Variants in ITGA6 observed in about 807,000 individuals in gnomAD.
ITGA6 encodes integrin subunit alpha 6, also known as integrin alpha-6.
Under a neutral mutation model 133.6 loss-of-function variants are expected in ITGA6, and 63 were observed. The observed-to-expected ratio is 0.47, with a 90% CI of 0.38 to 0.58. The LOEUF is 0.58. Among genes scored for constraint, ITGA6 ranks in the 20% least tolerant of loss-of-function variants. The pLI, the probability that ITGA6 is intolerant of heterozygous loss-of-function variation, is 0.00. For synonymous variants in ITGA6, 434 were observed against 482.0 expected (o/e 0.90, Z 1.30); for missense variants, 1,068 against 1,309.4 (o/e 0.82, Z 2.85).
intron 1 of ITGA6, among the ~76,000 whole-genome samples, chr2:172,460,550 AATC>A (rs2149029730): frequency 6.6e-6 from 1 of 152,338 alleles, no homozygotes; most frequent in African/African-American, 2.4e-5. Context: ...CATATATAAT[AATC>A]CAGAATTATG....
intron 1 of ITGA6, chr2:172,464,112 G>A (rs1574358137): frequency 6.6e-6 from 1 of 152,410 alleles, no homozygotes; most frequent in East Asian, 1.9e-4. Flanking sequence ...GATCTGGGAG[G>A]AAGGACAGTG....
rs1001035755 is a variant in ITGA6 at position 172,463,667 on chromosome 2, C to T, written c.183-1872C>T. ...ATTAAGCTCCTCAAGGCCTCTGTTT[C>T]TTTATCTGTAAAACTGGAGGACTGG... On this transcript the variant is annotated intron_variant, in intron 1 of 25. Coordinates refer to ENST00000684293, the MANE Select transcript of ITGA6 (RefSeq NM_000210.4). Among the ~76,000 whole-genome samples the T allele has an allele frequency of 2.6e-5, 4 of 152,224 alleles. No individual in the cohort carries two copies. In the South Asian group the frequency reaches 8.3e-4, roughly 32 times the overall value.
rs779777573 is a variant in ITGA6 at position 172,470,996 on chromosome 2, G to T, written c.666G>T (p.Lys222Asn). 8 of 1,613,696 alleles carry T rather than the reference G, an allele frequency of 5.0e-6. No homozygotes were observed. The highest frequency in any genetic ancestry group is 6.8e-6 in the Non-Finnish European group (8 of 1,179,848). The change falls in exon 5 of 26, where the codon AAG (lysine) becomes AAT (asparagine). Residue 222 changes from lysine (K) to asparagine (N), a missense_variant. This residue lies in a region of ITGA6 where 317 missense variants were observed against 456.9 expected (regional missense o/e 0.69). Coordinates refer to ENST00000684293, the MANE Select transcript of ITGA6 (RefSeq NM_000210.4). ...TAGGGATTGTTCGTGTAGAGCAAAA[G>T]AATAACACTTTTTTTGACATGAACA... is the stretch of plus-strand genomic sequence containing the variant. ...NWKGIVRVEQ[K>N]NNTFFDMNIF... is the part of the protein sequence containing the mutation.
At position 172,475,046 on chromosome 2, in the gene ITGA6, T is replaced by C. The variant is rs1359496632; in HGVS notation, c.1104T>C (p.Arg368=). The part of the protein sequence containing the change: ...QGRWNNVKPI[R]LNGTKDSMFG... The stretch of plus-strand genomic sequence containing the variant: ...GATGGAATAATGTGAAGCCAATTCG[T>C]CTTAATGGAACCAAAGATTCTATGT... Residue 368 remains arginine, a synonymous_variant, in exon 7 of 26, where the codon CGT becomes CGC. Coordinates refer to ENST00000684293, the MANE Select transcript of ITGA6 (RefSeq NM_000210.4). The C allele has an allele frequency of 6.2e-7, 1 of 1,608,716 alleles. No homozygotes were observed. Among genetic ancestry groups the C allele is most frequent in the Non-Finnish European group, 8.5e-7 (1 of 1,175,144 alleles).
intron 25 of ITGA6, 114 bp downstream of exon 25, chr2:172,502,015 T>C (rs1574422482): frequency 1.1e-6 from 1 of 928,094 alleles, no homozygotes; most frequent in Non-Finnish European, 1.6e-6. Flanking sequence ...TTTCCAAATG[T>C]CCACACTGGC....
chr2:172,479,202 G>C (rs919107726), intron 9 of ITGA6, among the ~76,000 whole-genome samples: 1 of 152,102 alleles, frequency 6.6e-6, no homozygotes, highest in African/African-American at 2.4e-5. Context: ...GTATATACAG[G>C]ACAAGACCTC....
chr2:172,495,546 A>C (rs1241601138), intron 23 of ITGA6: 1 of 152,122 alleles, frequency 6.6e-6, no homozygotes, highest in East Asian at 1.9e-4. Context: ...AACAAAAAAA[A>C]CAAAAACACC....
At chr2:172,486,908 G>T in intron 13 of ITGA6, 115 bp from the exon 14 acceptor site, 1 of 712,792 alleles carries the variant, frequency 1.4e-6, no homozygotes, top group East Asian at 2.7e-5. Context: ...CTTGAATTCT[G>T]CATTGGTAAT....
At chr2:172,482,324 C>G (rs1686481300) in intron 11 of ITGA6, among the ~76,000 whole-genome samples, 1 of 152,192 alleles carries the variant, frequency 6.6e-6, no homozygotes. Flanking sequence ...GACAGAACTT[C>G]TACAAAGCTA....
At chr2:172,447,788 G>T (rs924571218) in intron 1 of ITGA6, among the ~76,000 whole-genome samples, 1 of 152,122 alleles carries the variant, frequency 6.6e-6, no homozygotes, top group African/African-American at 2.4e-5. Flanking sequence ...TGATCTGACC[G>T]CTCTTATTAG....
chr2:172,476,172 T>C (rs1219690769), intron 8 of ITGA6, among the ~76,000 whole-genome samples: 4 of 152,220 alleles, frequency 2.6e-5, no homozygotes, highest in African/African-American at 4.8e-5. Flanking sequence ...AGAAATGGGC[T>C]CTTTTCTGCT....
At chr2:172,465,758 G>T in intron 2 of ITGA6, 95 bp downstream of exon 2, 1 of 1,513,816 alleles carries the variant, frequency 6.6e-7, no homozygotes, top group South Asian at 1.1e-5. Context: ...TATTCTTGTA[G>T]AGAGGACTTC....
At chr2:172,438,971 G>A (rs1224908229) in intron 1 of ITGA6, among the ~76,000 whole-genome samples, 2 of 151,934 alleles carry the variant, frequency 1.3e-5, no homozygotes, top group East Asian at 1.9e-4. Flanking sequence ...GCAGACCTTT[G>A]TGCTATATTT....
At chr2:172,472,491 A>G (rs976113273) in intron 5 of ITGA6, among the ~76,000 whole-genome samples, 5 of 152,208 alleles carry the variant, frequency 3.3e-5, no homozygotes, top group African/African-American at 9.7e-5. Context: ...CACATTTGCC[A>G]CTTTTAGAAT....
Position 172,483,007 on chromosome 2 carries a change from T to C in ITGA6, c.1550-1775T>C, listed in dbSNP as rs540259046. The stretch of plus-strand genomic sequence containing the variant: ...AATAAGACTGATGTGATCCTTGTCC[T>C]CGGCTTTGCCCCACTGTGGGAGACA... On this transcript the variant is annotated intron_variant, in intron 11 of 25. Transcript: ENST00000684293. 2.0e-5 allele frequency among the ~76,000 whole-genome samples: 3 copies of C among 152,320 alleles called. No individual in the cohort carries two copies. The South Asian group carries it at 6.2e-4, about 32-fold the overall frequency.
At chr2:172,435,761 G>T (rs901517935) in intron 1 of ITGA6, among the ~76,000 whole-genome samples, 1 of 151,486 alleles carries the variant, frequency 6.6e-6, no homozygotes, top group African/African-American at 2.4e-5. Context: ...CCCAGTAGCT[G>T]GGACTGCAAG....
rs1284384207 is a variant in ITGA6, at chr2:172,498,237, A to C, written c.3114+137A>C. The C allele has an allele frequency of 1.7e-5, 14 of 831,514 alleles. No individual in the cohort carries two copies. In the Admixed American group the frequency reaches 1.8e-4, roughly 11 times the overall value. 51.5% of individuals were successfully genotyped at this position (831,514 alleles called of 1,614,324 possible). ...ATTATGAAACTCTTTTGACATAGCA[A>C]ATTTGAGGAAAATTTTACCATGAAC... On this transcript the variant is annotated intron_variant, in intron 24 of 25. Transcript: ENST00000684293.
At chr2:172,471,890 C>T (rs1685954080) in intron 5 of ITGA6, among the ~76,000 whole-genome samples, 1 of 137,720 alleles carries the variant, frequency 7.3e-6, no homozygotes, top group Non-Finnish European at 1.6e-5. Context: ...AAATAGTAAC[C>T]TGTTTAAAAA....
chr2:172,436,070 C>T (rs1254986535), intron 1 of ITGA6, among the ~76,000 whole-genome samples: 2 of 152,132 alleles, frequency 1.3e-5, no homozygotes, highest in African/African-American at 4.8e-5. Flanking sequence ...GGCCCAGGTA[C>T]CGACTTAAGG....
Sources: allele counts gnomAD v4.1 joint callset (sites outside exome capture counted in the v4.1 genomes callset), GRCh38; gene constraint gnomAD v4.1.1; regional missense constraint gnomAD v4.1.1; transcripts MANE v1.5; gene names NCBI Gene and HGNC (gene_info 2026-07-23, HGNC 2026-07-21).